The following RASL12 variants were observed in gnomAD, a reference collection of about 807,000 sequenced individuals.
RASL12 encodes ras-like protein family member 12.
In RASL12, 16 loss-of-function variants were observed where a neutral mutation model predicts 22.9. The ratio of observed to expected loss-of-function variants is 0.70; its 90% confidence interval spans 0.47 to 1.06. RASL12 has a LOEUF of 1.06. Ranked by LOEUF, RASL12 falls within the 50% of genes least tolerant of loss-of-function variation. The pLI is 0.00. For missense variants in RASL12, 306 were observed against 353.1 expected (o/e 0.87, Z 1.07); for synonymous variants, 159 against 152.2 (o/e 1.04, Z -0.33).
In RASL12 at chr15:65,059,375, G is replaced by A. The variant is rs1220146475; in HGVS notation, c.204C>T (p.Val68=). ...SSEETVDHQP[V]HLRVMDTADL... ...CTGCAGTGTCCATGACCCTCAGGTG[G>A]ACAGGCTGGTGGTCCACAGTCTCCT... Residue 68 remains valine (V), a synonymous_variant, in exon 3 of 5, where the codon GTC becomes GTT. Coordinates refer to ENST00000220062, the MANE Select transcript of RASL12 (RefSeq NM_016563.4). 2.5e-6 allele frequency: 4 copies of A among 1,614,114 alleles called. No individual in the cohort carries two copies. In the South Asian group the frequency reaches 4.4e-5, roughly 18 times the overall value.
In RASL12 at chr15:65,055,209, G is replaced by C. The variant is rs775344658; in HGVS notation, c.491C>G (p.Ser164Cys). Residue 164 changes from serine to cysteine, a missense_variant, in exon 5 of 5, where the codon TCT becomes TGT. Transcript: ENST00000220062. ...GRFGCLFFEV[S>C]ACLDFEHVQH... ...CACGTGCTCAAAGTCCAGACAGGCAGAGACCTCGAAAAACAGGCACCCAAA... is the reference window on the plus strand; with the variant it reads ...CACGTGCTCAAAGTCCAGACAGGCACAGACCTCGAAAAACAGGCACCCAAA... 3.7e-6 allele frequency: 6 copies of C among 1,610,162 alleles called. No individual in the cohort carries two copies. The highest frequency in any genetic ancestry group is 5.1e-6 in the Non-Finnish European group (6 of 1,178,478).
chr15:65,074,624 T>C (rs1207365644), intron 1 of RASL12, among the ~76,000 whole-genome samples: 3 of 152,318 alleles, frequency 2.0e-5, no homozygotes, highest in African/African-American at 4.8e-5. Context: ...CTCAAACTCC[T>C]GACCTCAGGT....
chr15:65,067,989 G>A lies in RASL12; in HGVS notation c.-154C>T. ...GCGCCCTCGGCCCCGCGTCCAGCGG[G>A]CTGCCACCCCGCGGGGAGGAGGGGC... On this transcript the variant is annotated 5_prime_UTR_variant, in exon 1 of 5. Coordinates refer to ENST00000220062, the MANE Select transcript of RASL12 (RefSeq NM_016563.4). The A allele has an allele frequency of 8.6e-7, 1 of 1,162,006 alleles. No homozygotes were observed. Among genetic ancestry groups the A allele is most frequent in the Non-Finnish European group, 1.1e-6 (1 of 943,550 alleles). The allele number at this position is 1,162,006 out of a possible 1,614,324, so 72.0% of individuals were successfully genotyped here. A position where few individuals can be genotyped will look rare whatever the true frequency, so the allele number is the denominator to read the frequency against.
downstream of RASL12, among the ~76,000 whole-genome samples, chr15:65,050,316 C>T (rs530761862): frequency 9.2e-5 from 14 of 152,326 alleles, no homozygotes; most frequent in South Asian, 2.7e-3. Context: ...TGCAGCCCTC[C>T]AATCATCACA....
At chr15:65,050,251 A>C (rs907593725), downstream of RASL12, 2 of 653,554 alleles carry the variant, frequency 3.1e-6, no homozygotes, top group African/African-American at 1.8e-5. Context: ...CTCAGTACCC[A>C]GAGGGGTCTG....
rs906459504 is a variant in RASL12 at position 65,061,974 on chromosome 15, G to C, written c.161-2556C>G. Reference sequence around the variant, plus strand: ...CAGGCACCTGTAGTCCCAGCTACTCGGGAGGCTGAGGCAGGAGAATGGTGT... The same window carrying C: ...CAGGCACCTGTAGTCCCAGCTACTCCGGAGGCTGAGGCAGGAGAATGGTGT... On this transcript the variant is annotated intron_variant, in intron 2 of 4. Transcript: ENST00000220062. 3.9e-5 allele frequency among the ~76,000 whole-genome samples: 6 copies of C among 151,938 alleles called. No individual in the cohort carries two copies. In the East Asian group the frequency reaches 1.2e-3, roughly 29 times the overall value.
rs2086685302 is a variant in RASL12, at chr15:65,053,496, T to C, written c.*1403A>G. The stretch of plus-strand genomic sequence containing the variant: ...TAGCTGGCCTGTGGGTCGGGAAGCC[T>C]GTAGGACTGCAAGCATGTGGTCTTG... On this transcript the variant is annotated 3_prime_UTR_variant, in exon 5 of 5. Coordinates refer to ENST00000220062, the MANE Select transcript of RASL12 (RefSeq NM_016563.4). The C allele has an allele frequency of 6.3e-6, 7 of 1,117,488 alleles. No homozygotes were observed. The South Asian group carries it at 1.7e-4, about 28-fold the overall frequency. 69.2% of individuals were successfully genotyped at this position (1,117,488 alleles called of 1,614,324 possible). A position where few individuals can be genotyped will look rare whatever the true frequency, so the allele number is the denominator to read the frequency against.
chr15:65,056,609 C>T (rs2086735177), intron 4 of RASL12, among the ~76,000 whole-genome samples: 1 of 152,172 alleles, frequency 6.6e-6, no homozygotes, highest in South Asian at 2.1e-4. Context: ...GAGTGGGTGA[C>T]AGAGGCACAG....
At chr15:65,060,471 A>C (rs532083686) in intron 2 of RASL12, among the ~76,000 whole-genome samples, 72 of 152,280 alleles carry the variant, frequency 4.7e-4, no homozygotes, top group African/African-American at 1.7e-3. Context: ...CAAACTAGTG[A>C]CCTTATTTGA....
At chr15:65,064,385 C>G (rs997858290) in intron 2 of RASL12, among the ~76,000 whole-genome samples, 3 of 152,182 alleles carry the variant, frequency 2.0e-5, no homozygotes, top group African/African-American at 7.2e-5. Flanking sequence ...GGAGCAGAGC[C>G]AGGTAGGATT....
chr15:65,055,753 C>T (rs920746377), intron 4 of RASL12, among the ~76,000 whole-genome samples: 3 of 152,198 alleles, frequency 2.0e-5, no homozygotes, highest in Admixed American at 2.0e-4. Context: ...AAGGGTTAGA[C>T]CACAGAGGTG....
At chr15:65,068,118 G>A (rs2140535180), upstream of RASL12, 2 of 1,032,004 alleles carry the variant, frequency 1.9e-6, no homozygotes, top group South Asian at 9.2e-5. This position sits in a 1 kb window ranked among gnomAD's most constrained non-coding sequence, Gnocchi z 4.2. Flanking sequence ...GGAGCAGGGA[G>A]GGAGCTCCTG....
chr15:65,072,262 A>G (rs1047838348), upstream of RASL12, among the ~76,000 whole-genome samples: 2 of 152,146 alleles, frequency 1.3e-5, no homozygotes, highest in African/African-American at 4.8e-5. Flanking sequence ...AGAGTCAGAG[A>G]TATTTCTGGC....
At chr15:65,051,370 G>A, downstream of RASL12, 1 of 700,122 alleles carries the variant, frequency 1.4e-6, no homozygotes, top group Non-Finnish European at 2.5e-6. Flanking sequence ...AGTGCCCCAG[G>A]GCAAGGGGCC....
intron 1 of RASL12, among the ~76,000 whole-genome samples, chr15:65,074,381 C>T (rs1350109810): frequency 6.7e-6 from 1 of 148,952 alleles, no homozygotes; most frequent in African/African-American, 2.4e-5. Flanking sequence ...TTATTGGCCC[C>T]ATTTTATTTT....
rs2086703261 is a variant in RASL12, at chr15:65,054,806, C to A, written c.*93G>T. 2 of 1,520,656 alleles carry A rather than the reference C, an allele frequency of 1.3e-6. No individual in the cohort carries two copies. The highest frequency in any genetic ancestry group is 4.5e-5 in the East Asian group (2 of 44,086). The allele number at this position is 1,520,656 out of a possible 1,614,324, so 94.2% of individuals were successfully genotyped here. On this transcript the variant is annotated 3_prime_UTR_variant, in exon 5 of 5. Transcript: ENST00000220062. ...TGGTGCTGGAGGCGGGGTCTGCTGTCCATCAGACGGAAAGGCTGGTGGTGA... is the reference window on the plus strand; with the variant it reads ...TGGTGCTGGAGGCGGGGTCTGCTGTACATCAGACGGAAAGGCTGGTGGTGA...
At chr15:65,059,964 C>T (rs1374800663) in intron 2 of RASL12, among the ~76,000 whole-genome samples, 3 of 152,234 alleles carry the variant, frequency 2.0e-5, no homozygotes, top group African/African-American at 7.2e-5. Flanking sequence ...CTAGTGTAGT[C>T]AGAAGTTTTC....
downstream of RASL12, chr15:65,049,802 C>A: frequency 3.1e-4 from 120 of 381,384 alleles, no homozygotes; most frequent in Middle Eastern, 7.1e-4. Flanking sequence ...TCGTTTTTGT[C>A]CCATAACTTT....
the RASL12 span, among the ~76,000 whole-genome samples, chr15:65,047,780 AGATAGATC>A: frequency 2.9e-5 from 4 of 138,152 alleles, no homozygotes; most frequent in Admixed American, 7.8e-5. Flanking sequence ...ATAGATAGAC[AGATAGATC>A]GATAGATGAT....
Sources: gnomAD v4.1 joint callset for allele counts (sites outside exome capture counted in the v4.1 genomes callset) on GRCh38, gnomAD v4.1.1 for gene constraint, Gnocchi (gnomAD v3.1) non-coding constraint, MANE v1.5 for transcripts, NCBI Gene and HGNC (gene_info 2026-07-23, HGNC 2026-07-21) for gene names.